The following EVC variants were observed in gnomAD, a reference collection of about 807,000 sequenced individuals.
The protein encoded by EVC is evC complex member EVC.
In EVC, 116 loss-of-function variants were observed where a neutral mutation model predicts 118.9. That is an observed-to-expected ratio of 0.98 (90% CI 0.84 to 1.14). The LOEUF is 1.14. EVC is among the 50% of genes most tolerant of loss of function. EVC has a pLI of 0.00. For synonymous variants in EVC, 619 were observed against 534.7 expected, an observed-to-expected ratio of 1.16 and a Z score of -2.18; for missense variants, 1,401 against 1,246.4, an observed-to-expected ratio of 1.12 and a Z score of -1.87.
At chr4:5,810,675 G>A (rs887649376) in intron 20 of EVC, among the ~76,000 whole-genome samples, 6 of 152,196 alleles carry the variant, frequency 3.9e-5, no homozygotes, top group African/African-American at 1.4e-4. Flanking sequence ...CATTTGGCCA[G>A]ATGAGCCTTG....
chr4:5,752,243 G>GT (rs1730488569), intron 8 of EVC, among the ~76,000 whole-genome samples: 3 of 152,144 alleles, frequency 2.0e-5, no homozygotes, highest in African/African-American at 7.2e-5. Context: ...GGTGTGCAGG[G>GT]CCCTTGGCTG....
intron 11 of EVC, among the ~76,000 whole-genome samples, chr4:5,773,363 G>T (rs1190205033): frequency 1.3e-5 from 2 of 152,050 alleles, no homozygotes; most frequent in Admixed American, 1.3e-4. Flanking sequence ...ACTCAGCCTT[G>T]CTCCATGTCC....
chr4:5,827,151 T>C, the EVC span, among the ~76,000 whole-genome samples: 1 of 152,228 alleles, frequency 6.6e-6, no homozygotes, highest in Non-Finnish European at 1.5e-5. Flanking sequence ...AATTGCTGTC[T>C]TGGCATTTGG....
At chr4:5,822,310 G>T in the EVC span, among the ~76,000 whole-genome samples, 1 of 152,188 alleles carries the variant, frequency 6.6e-6, no homozygotes. Flanking sequence ...GGGAAGCCAG[G>T]ATTGAAGCCC....
intron 5 of EVC, among the ~76,000 whole-genome samples, chr4:5,740,303 T>G (rs537403656): frequency 6.6e-6 from 1 of 151,934 alleles, no homozygotes; most frequent in African/African-American, 2.4e-5. Flanking sequence ...AAACCTCGTC[T>G]CTACTAAAAA....
At chr4:5,828,393 C>G in the EVC span, 6 of 1,493,478 alleles carry the variant, frequency 4.0e-6, no homozygotes, top group South Asian at 8.3e-5. Flanking sequence ...AGGGCGATGA[C>G]ATTATTAACT....
chr4:5,730,879 G>C (rs999245526), intron 3 of EVC, among the ~76,000 whole-genome samples: 2 of 151,566 alleles, frequency 1.3e-5, no homozygotes, highest in African/African-American at 4.9e-5. Context: ...CTCTAGCCAT[G>C]CCAGGCCCCA....
intron 17 of EVC, 150 bp downstream of exon 17, chr4:5,804,991 G>C (rs901338018): frequency 3.2e-5 from 23 of 718,656 alleles, no homozygotes; most frequent in Non-Finnish European, 4.7e-5. Context: ...CTCTGTCCTG[G>C]TCTCTGCCCT....
At chr4:5,780,298 C>A (rs891766091) in intron 11 of EVC, among the ~76,000 whole-genome samples, 28 of 152,094 alleles carry the variant, frequency 1.8e-4, no homozygotes, top group African/African-American at 6.5e-4. Flanking sequence ...ATTCACCATA[C>A]TAAGTGTATG....
intron 2 of EVC, among the ~76,000 whole-genome samples, chr4:5,720,498 C>G (rs536832403): frequency 2.0e-5 from 3 of 151,466 alleles, no homozygotes; most frequent in Non-Finnish European, 2.9e-5. Context: ...CCTTTCCAAC[C>G]TGTTCCATCC....
downstream of EVC, among the ~76,000 whole-genome samples, chr4:5,816,257 G>A (rs996283133): frequency 2.0e-5 from 3 of 152,066 alleles, no homozygotes; most frequent in Non-Finnish European, 2.9e-5. Context: ...CTCTTCATCC[G>A]CCTTGTTCTG....
At chr4:5,729,568 G>A (rs886512159) in intron 3 of EVC, among the ~76,000 whole-genome samples, 178 bp downstream of exon 3, 3 of 152,124 alleles carry the variant, frequency 2.0e-5, no homozygotes, top group South Asian at 2.1e-4. Flanking sequence ...TGGTAACCAC[G>A]GTACGGAAGT....
chr4:5,759,073 G>A (rs1303688100), intron 11 of EVC, among the ~76,000 whole-genome samples: 1 of 83,486 alleles, frequency 1.2e-5, no homozygotes, highest in Non-Finnish European at 2.7e-5. Context: ...TGTGGAGGGC[G>A]GTGGGGGCGG....
rs979846319 is a variant in EVC at position 5,793,605 on chromosome 4, C to T, written c.1777-3C>T. On this transcript the variant is annotated splice_region_variant and splice_polypyrimidine_tract_variant and intron_variant, in intron 12 of 20. Transcript: ENST00000264956. The stretch of plus-strand genomic sequence containing the variant: ...CTGCTCTGTCCCTCTGTCCCGAGTT[C>T]AGGTGTGGATGGAGGAGTGTGCGCT... The T allele has an allele frequency of 5.2e-6, 8 of 1,551,280 alleles. No individual in the cohort carries two copies. The highest frequency in any genetic ancestry group is 2.7e-5 in the African/African-American group (2 of 73,070).
Position 5,782,384 on chromosome 4 carries a change from G to T in EVC, c.1564-1168G>T, listed in dbSNP as rs1488617088. Among the ~76,000 whole-genome samples, 3 of 140,780 alleles carry T rather than the reference G, an allele frequency of 2.1e-5. No individual in the cohort carries two copies. In the Admixed American group the frequency reaches 2.2e-4, roughly 11 times the overall value. 92.4% of individuals were successfully genotyped at this position (140,780 alleles called of 152,430 possible). On this transcript the variant is annotated intron_variant, in intron 11 of 20. Coordinates refer to ENST00000264956, the MANE Select transcript of EVC (RefSeq NM_153717.3). ...GCCACCATGCGCAGCTATCTGTAAG[G>T]TTCCATTTTTTTTTTTTTTTTTTTT...
intron 9 of EVC, among the ~76,000 whole-genome samples, 198 bp downstream of exon 9, chr4:5,753,250 T>C (rs961641103): frequency 6.6e-6 from 1 of 152,194 alleles, no homozygotes; most frequent in African/African-American, 2.4e-5. Context: ...GCAGAGTCCA[T>C]GAGGGCCACT....
rs1248942682 is a variant in EVC, at chr4:5,764,111, AG to A, written c.1563+7752del. On this transcript the variant is annotated intron_variant, in intron 11 of 20. Transcript: ENST00000264956. The stretch of plus-strand genomic sequence containing the variant: ...AATTTCTTGAGAGTTTTTAGCATGA[AG>A]GGTTGTTGAATTTTGTCAAAGGCCT... Among the ~76,000 whole-genome samples the A allele has an allele frequency of 3.1e-4, 45 of 145,922 alleles. 1 individual carries two copies. Among genetic ancestry groups the A allele is most frequent in the African/African-American group, 8.9e-4 (35 of 39,146 alleles).
intron 8 of EVC, among the ~76,000 whole-genome samples, chr4:5,750,275 C>G (rs1038104152): frequency 1.3e-5 from 2 of 152,128 alleles, no homozygotes; most frequent in African/African-American, 4.8e-5. Flanking sequence ...AGGTGAAAGA[C>G]TTTTCTTCCT....
Position 5,798,145 on chromosome 4 carries a change from T to G in EVC, c.2098-441T>G, listed in dbSNP as rs1365980785. On this transcript the variant is annotated intron_variant, in intron 14 of 20. Transcript: ENST00000264956. The surrounding 1 kb of genome is among the most constrained non-coding windows in gnomAD (Gnocchi z 4.1). The stretch of plus-strand genomic sequence containing the variant: ...CTCTTATTTCTACAAATAAAGGCAG[T>G]CCTCAGAGCCCTGTGTGCCCTGCCT... Among the ~76,000 whole-genome samples, 1 of 152,174 alleles carries G rather than the reference T, an allele frequency of 6.6e-6. No homozygotes were observed. Among genetic ancestry groups the G allele is most frequent in the Admixed American group, 6.5e-5 (1 of 15,282 alleles).
Sources: gnomAD v4.1 joint callset for allele counts (sites outside exome capture counted in the v4.1 genomes callset) on GRCh38, gnomAD v4.1.1 for gene constraint, Gnocchi (gnomAD v3.1) non-coding constraint, MANE v1.5 for transcripts, NCBI Gene and HGNC (gene_info 2026-07-23, HGNC 2026-07-21) for gene names.